The following SPG11 variants were observed in gnomAD, a reference collection of about 807,000 sequenced individuals.
SPG11 encodes the protein SPG11 vesicle trafficking associated, spatacsin.
In SPG11, 222 loss-of-function variants were observed where a neutral mutation model predicts 274.0. The ratio of observed to expected loss-of-function variants is 0.81; its 90% CI spans 0.73 to 0.91. SPG11 has a LOEUF of 0.91. Ranked by LOEUF, SPG11 falls within the 40% of genes least tolerant of loss-of-function variation. The probability of loss-of-function intolerance (pLI) is 0.00; values close to 1 mark genes in which losing one functional copy is unlikely to be tolerated. For missense variants in SPG11, 3,114 were observed against 2,872.7 expected (o/e 1.08, Z -1.92); for synonymous variants, 1,144 against 1,039.7 (o/e 1.10, Z -1.93).
chr15:44,644,763 A>G (rs972622581), intron 7 of SPG11, among the ~76,000 whole-genome samples: 5 of 152,230 alleles, frequency 3.3e-5, no homozygotes, highest in Non-Finnish European at 5.9e-5. Context: ...AAAAGTCAGC[A>G]GCATTTCTAT....
intron 13 of SPG11, 71 bp from the exon 14 acceptor site, chr15:44,622,005 C>A: frequency 7.9e-7 from 1 of 1,272,790 alleles, no homozygotes; most frequent in South Asian, 1.3e-5. Flanking sequence ...TTTATCTGCT[C>A]AAGAACATCC....
chr15:44,620,025 T>A, intron 15 of SPG11, 165 bp downstream of exon 15: 2 of 673,938 alleles, frequency 3.0e-6, no homozygotes, highest in Non-Finnish European at 5.1e-6. Flanking sequence ...CAAATGAGTA[T>A]GATTTTAAAA....
At chr15:44,593,910 C>T (rs1033068090) in intron 26 of SPG11, among the ~76,000 whole-genome samples, 10 of 151,026 alleles carry the variant, frequency 6.6e-5, no homozygotes, top group South Asian at 2.1e-4. Flanking sequence ...CATCCTGCCA[C>T]GCCCGGCTTT....
Position 44,583,851 on chromosome 15 carries a change from T to A in SPG11, c.5829A>T (p.Glu1943Asp). Reference sequence around the variant, plus strand: ...TCCTTAGGGGAATGTCGGGTGCTTCTTCCTCAAGCAGCTCAGCACTTTGTA... The same window carrying A: ...TCCTTAGGGGAATGTCGGGTGCTTCATCCTCAAGCAGCTCAGCACTTTGTA... Reference protein sequence around the residue: ...ALLQSAELLEEEAPDIPLRRV... With the variant: ...ALLQSAELLEDEAPDIPLRRV... Residue 1943 changes from glutamate to aspartate, a missense_variant, in exon 30 of 40, where the codon GAA becomes GAT. By Grantham distance (45) the Glu-to-Asp change is conservative (BLOSUM62 2). Transcript: ENST00000261866. 1 of 1,614,202 alleles carries A rather than the reference T, an allele frequency of 6.2e-7. No homozygotes were observed. Among genetic ancestry groups the A allele is most frequent in the Non-Finnish European group, 8.5e-7 (1 of 1,180,030 alleles).
Position 44,629,202 on chromosome 15 carries a change from G to T in SPG11, c.1891+31C>A, listed in dbSNP as rs773820876. On this transcript the variant is annotated intron_variant, in intron 9 of 39. Coordinates refer to ENST00000261866, the MANE Select transcript of SPG11 (RefSeq NM_025137.4). ...TATCTGTTCTGACACAGGAACAGTAGAATTGCCCCCTTCCTAGCTGCTATT... is the reference window on the plus strand; with the variant it reads ...TATCTGTTCTGACACAGGAACAGTATAATTGCCCCCTTCCTAGCTGCTATT... The T allele has an allele frequency of 3.1e-6, 5 of 1,610,568 alleles. No homozygotes were observed. The East Asian group carries it at 6.7e-5, about 22-fold the overall frequency.
At position 44,621,866 on chromosome 15, in the gene SPG11, CA is replaced by C; in HGVS notation, c.2512del (p.Cys838ValfsTer14). 6.2e-7 allele frequency: 1 copy of C among 1,613,622 alleles called. No individual in the cohort carries two copies. The highest frequency in any genetic ancestry group is 8.5e-7 in the Non-Finnish European group (1 of 1,179,726). On this transcript the variant is annotated frameshift_variant, in exon 14 of 40. Coordinates refer to ENST00000261866, the MANE Select transcript of SPG11 (RefSeq NM_025137.4). LOFTEE classifies it high-confidence loss of function. ...GTCCTGTTTGTTAAATTCATCTTTA[CA>C]ATCATATTTCAGGAATGAGTCCAAA... Reference protein sequence around the residue: ...SVLDSFLKYDCKDEFNKQDHR... With the variant: ...SVLDSFLKYDXKDEFNKQDHR...
intron 7 of SPG11, among the ~76,000 whole-genome samples, chr15:44,636,757 C>T (rs1396268031): frequency 6.6e-6 from 1 of 151,074 alleles, no homozygotes; most frequent in Non-Finnish European, 1.5e-5. Flanking sequence ...AAAACCCCAC[C>T]TCTACTAAAA....
rs770284228 is a variant in SPG11 at position 44,663,626 on chromosome 15, C to T, written c.22G>A (p.Ala8Thr). MAAEEGVASAASAGGSWG... is the reference protein window; with the variant it reads MAAEEGVTSAASAGGSWG... ...CTACCGCCGGCGGAAGCAGCACTCG[C>T]GACCCCTTCCTCTGCAGCCATCTTG... is the stretch of plus-strand genomic sequence containing the variant. The change falls in exon 1 of 40, where the codon GCG becomes ACG. Residue 8 changes from alanine (A) to threonine (T), a missense_variant. Physicochemically the swap from Ala to Thr is moderately conservative, Grantham distance 58. Coordinates refer to ENST00000261866, the MANE Select transcript of SPG11 (RefSeq NM_025137.4). The T allele has an allele frequency of 1.3e-6, 2 of 1,595,684 alleles. No individual in the cohort carries two copies. The highest frequency in any genetic ancestry group is 2.2e-5 in the East Asian group (1 of 44,630).
At chr15:44,618,102 GTAAGACTTGA>G (rs1456765130) in intron 15 of SPG11, among the ~76,000 whole-genome samples, 1 of 152,160 alleles carries the variant, frequency 6.6e-6, no homozygotes, top group Admixed American at 6.6e-5. Flanking sequence ...GATCAACTTG[GTAAGACTTGA>G]TAGCAGGCTT....
At chr15:44,636,933 A>AACAAAC in intron 7 of SPG11, among the ~76,000 whole-genome samples, 1 of 120,874 alleles carries the variant, frequency 8.3e-6, no homozygotes. Context: ...CTCAAAAAAA[A>AACAAAC]AAAAAAAAAA....
chr15:44,571,222 G>A (rs1162104050), intron 33 of SPG11, among the ~76,000 whole-genome samples: 1 of 152,174 alleles, frequency 6.6e-6, no homozygotes, highest in African/African-American at 2.4e-5. Context: ...CTGGGCTTTT[G>A]CATCTGCAGG....
At chr15:44,600,932 T>G (rs1290253296) in intron 20 of SPG11, among the ~76,000 whole-genome samples, 3 of 152,214 alleles carry the variant, frequency 2.0e-5, no homozygotes, top group Non-Finnish European at 4.4e-5. Flanking sequence ...GGCAGGCGGA[T>G]GACCTGAGGT....
At chr15:44,633,268 TGCAGTGAGCTGTCATCACC>T (rs2084124865) in intron 8 of SPG11, among the ~76,000 whole-genome samples, 1 of 125,738 alleles carries the variant, frequency 8.0e-6, no homozygotes, top group South Asian at 2.6e-4. Flanking sequence ...GAGGTGAGGC[TGCAGTGAGCTGTCATCACC>T]GCACTCCAGC....
chr15:44,569,715 GTTC>G (rs949685089), intron 34 of SPG11, among the ~76,000 whole-genome samples: 2 of 149,720 alleles, frequency 1.3e-5, no homozygotes, highest in South Asian at 2.1e-4. Flanking sequence ...ACCACTGGCT[GTTC>G]TTTTTTTTTT....
intron 38 of SPG11, 117 bp downstream of exon 38, chr15:44,565,737 G>C (rs532335365): frequency 1.5e-6 from 2 of 1,302,278 alleles, no homozygotes; most frequent in South Asian, 2.5e-5. Context: ...AGTTAAATCA[G>C]AACTGTACTG....
In SPG11 at chr15:44,613,580, G is replaced by T. The variant is rs752691815; in HGVS notation, c.3039-44C>A. ...AAAACCTTCTTTGATTAACATACAG[G>T]ATAAGACAATTACAACCATTTTGCT... On this transcript the variant is annotated intron_variant, in intron 16 of 39. Transcript: ENST00000261866. 43 of 1,280,832 alleles carry T rather than the reference G, an allele frequency of 3.4e-5. No individual in the cohort carries two copies. In the African/African-American group the frequency reaches 5.7e-4, roughly 17 times the overall value. 79.3% of individuals were successfully genotyped at this position (1,280,832 alleles called of 1,614,324 possible). A position where few individuals can be genotyped will look rare whatever the true frequency, so the allele number is the denominator to read the frequency against.
intron 1 of SPG11, among the ~76,000 whole-genome samples, chr15:44,662,259 A>G (rs1224057912): frequency 6.6e-6 from 1 of 152,150 alleles, no homozygotes; most frequent in Admixed American, 6.5e-5. Flanking sequence ...CTGATGTATC[A>G]AATGAATCTC....
At chr15:44,607,055 A>C (rs2083339372) in intron 19 of SPG11, among the ~76,000 whole-genome samples, 1 of 152,230 alleles carries the variant, frequency 6.6e-6, no homozygotes, top group East Asian at 1.9e-4. Flanking sequence ...CACTTCTGTC[A>C]GTATAAATCC....
rs2084778397 is a variant in SPG11, at chr15:44,651,607, C to G, written c.1340G>C (p.Gly447Ala). The G allele has an allele frequency of 5.0e-6, 8 of 1,614,212 alleles. No individual in the cohort carries two copies. In the East Asian group the frequency reaches 1.8e-4, roughly 36 times the overall value. ...ALFTWEVERM[G>A]YTITLWDLET... The stretch of plus-strand genomic sequence containing the variant: ...CAAATCCCAGAGGGTAATGGTATAG[C>G]CCATCCTTTCCACTTCCCAAGTAAA... Residue 447 changes from glycine to alanine, a missense_variant, in exon 6 of 40, where the codon GGC becomes GCC. Gly to Ala is a moderately conservative substitution (Grantham distance 60). Coordinates refer to ENST00000261866, the MANE Select transcript of SPG11 (RefSeq NM_025137.4).
Sources: gnomAD v4.1 joint callset for allele counts (sites outside exome capture counted in the v4.1 genomes callset) on GRCh38, gnomAD v4.1.1 for gene constraint, MANE v1.5 for transcripts, NCBI Gene and HGNC (gene_info 2026-07-23, HGNC 2026-07-21) for gene names.